The following ADGRG6 variants were observed in gnomAD, a reference collection of about 807,000 sequenced individuals.
ADGRG6 encodes the protein adhesion G protein-coupled receptor G6, also known as G-protein coupled receptor 126.
Under a neutral mutation model 142.4 loss-of-function variants are expected in ADGRG6, and 84 were observed. The ratio of observed to expected loss-of-function variants is 0.59; its 90% CI spans 0.49 to 0.71. The LOEUF (loss-of-function observed/expected upper bound fraction) is 0.71. Ranked by LOEUF, ADGRG6 falls within the 30% of genes least tolerant of loss-of-function variation. ADGRG6 has a pLI of 0.00. For missense variants in ADGRG6, 1,367 were observed against 1,466.6 expected (o/e 0.93, Z 1.11); for synonymous variants, 521 against 520.5 (o/e 1.00, Z -0.01).
chr6:142,408,193 C>A lies in ADGRG6; in HGVS notation c.2312C>A (p.Ala771Glu). The change falls in exon 16 of 25, where the codon GCG (alanine) becomes GAG (glutamate). Residue 771 changes from alanine (A) to glutamate (E), a missense_variant. By Grantham distance (107) the Ala-to-Glu change is moderately radical (BLOSUM62 -1). Coordinates refer to ENST00000367609, the MANE Select transcript of ADGRG6 (RefSeq NM_198569.3). ...AAAACTTTAGTGAGTTATGTGATGG[C>A]GTGCAGTATTGGAAACATTACTATC... ...QRKTLVSYVMACSIGNITIQN... is the reference protein window; with the variant it reads ...QRKTLVSYVMECSIGNITIQN... 6.3e-7 allele frequency: 1 copy of A among 1,585,236 alleles called. No individual in the cohort carries two copies.
chr6:142,306,691 G>A lies in ADGRG6; in HGVS notation c.3-2853G>A, dbSNP rs1777513181. ...TGTAAGAGTGTACTTTTGTGTGTGT[G>A]TGTTTTTTTTCCTTGTAGTTCCTAT... is the stretch of plus-strand genomic sequence containing the variant. On this transcript the variant is annotated intron_variant, in intron 1 of 24. Transcript: ENST00000367609. Among the ~76,000 whole-genome samples the A allele has an allele frequency of 4.6e-5, 7 of 152,036 alleles. No homozygotes were observed. The South Asian group carries it at 1.2e-3, about 27-fold the overall frequency.
At chr6:142,400,287 G>C (rs183469676) in intron 10 of ADGRG6, among the ~76,000 whole-genome samples, 198 bp from the exon 11 acceptor site, 2 of 151,928 alleles carry the variant, frequency 1.3e-5, no homozygotes, top group Admixed American at 1.3e-4. Flanking sequence ...TGGATTTGAA[G>C]TGTATTAAAT....
chr6:142,397,543 C>CT, intron 9 of ADGRG6, 70 bp from the exon 10 acceptor site: 1 of 1,429,326 alleles, frequency 7.0e-7, no homozygotes, highest in Non-Finnish European at 9.7e-7. Flanking sequence ...TCCAAATACT[C>CT]TGTTTCTCCT....
At chr6:142,393,522 C>T (rs1472748796) in intron 8 of ADGRG6, among the ~76,000 whole-genome samples, 1 of 152,042 alleles carries the variant, frequency 6.6e-6, no homozygotes, top group Non-Finnish European at 1.5e-5. Context: ...AGTTCTATAC[C>T]TGAACTAGTT....
Position 142,416,062 on chromosome 6 carries a change from G to A in ADGRG6, c.2936G>A (p.Trp979Ter). ...RYILKFCIIG[W>*]GLPALVVSVV... Reference sequence around the variant, plus strand: ...ATTCTAAAATTCTGCATCATTGGCTGGGGTAAGCCTCTTAAAATTTTTTTG... The same window carrying A: ...ATTCTAAAATTCTGCATCATTGGCTAGGGTAAGCCTCTTAAAATTTTTTTG... Residue 979 changes from tryptophan to a stop codon, truncating the protein, a stop_gained and splice_region_variant, in exon 20 of 25, where the codon TGG becomes TAG. Coordinates refer to ENST00000367609, the MANE Select transcript of ADGRG6 (RefSeq NM_198569.3). LOFTEE classifies it high-confidence loss of function. 6.3e-7 allele frequency: 1 copy of A among 1,591,094 alleles called. No individual in the cohort carries two copies.
chr6:142,383,772 C>T lies in ADGRG6; in HGVS notation c.1151C>T (p.Ser384Phe), dbSNP rs748864894. Residue 384 changes from serine to phenylalanine, a missense_variant, in exon 6 of 25, where the codon TCT becomes TTT. This residue lies in a region of ADGRG6 where 737 missense variants were observed against 746.5 expected (regional missense o/e 0.99). Transcript: ENST00000367609. Reference sequence around the variant, plus strand: ...TCTTTATTACCAGCTACTGTAAACTCTCCTAGTACTACACCACCCACTGTC... The same window carrying T: ...TCTTTATTACCAGCTACTGTAAACTTTCCTAGTACTACACCACCCACTGTC... ...LGTLCQATVN[S>F]PSTTPPTVTT... 2.2e-5 allele frequency: 34 copies of T among 1,543,576 alleles called. No homozygotes were observed. The South Asian group carries it at 3.8e-4, about 17-fold the overall frequency.
intron 9 of ADGRG6, among the ~76,000 whole-genome samples, chr6:142,394,364 A>G (rs1775061699): frequency 6.6e-6 from 1 of 152,168 alleles, no homozygotes; most frequent in Non-Finnish European, 1.5e-5. Context: ...TAAAGCTATT[A>G]GTTAATTTTC....
intron 2 of ADGRG6, among the ~76,000 whole-genome samples, chr6:142,354,370 G>A (rs553493353): frequency 1.2e-4 from 18 of 152,212 alleles, no homozygotes; most frequent in Admixed American, 7.2e-4. Flanking sequence ...GTGACAGAGC[G>A]AGTCTCTATC....
At chr6:142,345,633 C>G (rs1583014578) in intron 2 of ADGRG6, among the ~76,000 whole-genome samples, 1 of 152,070 alleles carries the variant, frequency 6.6e-6, no homozygotes, top group East Asian at 1.9e-4. Context: ...AGTGAATATA[C>G]CCTGCAAGAT....
intron 2 of ADGRG6, among the ~76,000 whole-genome samples, chr6:142,353,296 A>G (rs1162049694): frequency 6.6e-6 from 1 of 152,184 alleles, no homozygotes; most frequent in Non-Finnish European, 1.5e-5. Flanking sequence ...CAATTGCTAC[A>G]GGAGGTCTAG....
Position 142,390,320 on chromosome 6 carries a change from G to C in ADGRG6, c.1285G>C (p.Val429Leu). Residue 429 changes from valine to leucine, a missense_variant, in exon 7 of 25, where the codon GTA becomes CTA. Val to Leu is a conservative substitution (Grantham distance 32, BLOSUM62 1). Coordinates refer to ENST00000367609, the MANE Select transcript of ADGRG6 (RefSeq NM_198569.3). ...CATCCTTCGTCACCCTGAGGTAAAA[G>C]TACAGAGCAAGGTGGCAGAATGGGT... ...QNILRHPEVK[V>L]QSKVAEWLNS... The C allele has an allele frequency of 1.3e-6, 2 of 1,599,010 alleles. No homozygotes were observed. Among genetic ancestry groups the C allele is most frequent in the South Asian group, 1.1e-5 (1 of 89,778 alleles).
rs1397142458 is a variant in ADGRG6 at position 142,445,663 on chromosome 6, T to C, written c.*2148T>C. On this transcript the variant is annotated 3_prime_UTR_variant, in exon 25 of 25. Coordinates refer to ENST00000367609, the MANE Select transcript of ADGRG6 (RefSeq NM_198569.3). The stretch of plus-strand genomic sequence containing the variant: ...TAAGAAATTGCTCAAGGGAAACATT[T>C]GTAAATGGATTTGAAAGATTGAGCC... 6.6e-6 allele frequency: 1 copy of C among 152,196 alleles called. No individual in the cohort carries two copies. Among genetic ancestry groups the C allele is most frequent in the Non-Finnish European group, 1.5e-5 (1 of 68,034 alleles). 9.4% of individuals were successfully genotyped at this position (152,196 alleles called of 1,614,324 possible). A position where few individuals can be genotyped will look rare whatever the true frequency, so the allele number is the denominator to read the frequency against.
chr6:142,343,325 C>T (rs1431357644), intron 2 of ADGRG6, among the ~76,000 whole-genome samples: 1 of 151,588 alleles, frequency 6.6e-6, no homozygotes, highest in Non-Finnish European at 1.5e-5. Context: ...GATGACAAAG[C>T]ATTGGTAAGC....
chr6:142,370,445 G>T lies in ADGRG6; in HGVS notation c.721G>T (p.Glu241Ter). 6.2e-7 allele frequency: 1 copy of T among 1,613,450 alleles called. No homozygotes were observed. Among genetic ancestry groups the T allele is most frequent in the Non-Finnish European group, 8.5e-7 (1 of 1,179,464 alleles). Residue 241 changes from glutamate to a stop codon, truncating the protein, a stop_gained, in exon 4 of 25, where the codon GAA becomes TAA. Transcript: ENST00000367609. LOFTEE classifies it high-confidence loss of function. ...GTTGAATAATGCATTACCTGTCAAA[G>T]AAAAAGAAGACATTTTTGCAGAAAG... ...CLLNNALPVK[E>*]KEDIFAESFE...
At chr6:142,362,104 AAG>A (rs1780754250) in intron 2 of ADGRG6, among the ~76,000 whole-genome samples, 1 of 152,214 alleles carries the variant, frequency 6.6e-6, no homozygotes, top group South Asian at 2.1e-4. Context: ...TTACAGAAGA[AAG>A]AGATGTGTTT....
chr6:142,350,964 G>A (rs976669457), intron 2 of ADGRG6, among the ~76,000 whole-genome samples: 4 of 152,086 alleles, frequency 2.6e-5, no homozygotes, highest in African/African-American at 9.7e-5. Flanking sequence ...GGCTGGGCAC[G>A]GTGGCTCACA....
intron 16 of ADGRG6, among the ~76,000 whole-genome samples, chr6:142,409,103 T>G (rs1024544768): frequency 3.3e-5 from 5 of 152,160 alleles, no homozygotes; most frequent in Non-Finnish European, 1.5e-5. Flanking sequence ...TTCACATTGT[T>G]ATGCAGCCAT....
intron 2 of ADGRG6, among the ~76,000 whole-genome samples, chr6:142,311,571 CT>C (rs1246400037): frequency 1.3e-5 from 2 of 151,786 alleles, no homozygotes; most frequent in Admixed American, 6.6e-5. Context: ...TATTTAAAAT[CT>C]TTTTTTGCAT....
At position 142,358,347 on chromosome 6, in the gene ADGRG6, A is replaced by T. The variant is rs76117961; in HGVS notation, c.104-9222A>T. 9.3e-3 allele frequency among the ~76,000 whole-genome samples: 1,411 copies of T among 152,294 alleles called. 22 individuals are homozygous for T. Among genetic ancestry groups the T allele is most frequent in the East Asian group, 0.059 (305 of 5,176 alleles). On this transcript the variant is annotated intron_variant, in intron 2 of 24. Transcript: ENST00000367609. ...AAGATCAAAATGAGACAAATTTTTGATGAACATAAGAGTAGTCACTTTGCT... is the reference window on the plus strand; with the variant it reads ...AAGATCAAAATGAGACAAATTTTTGTTGAACATAAGAGTAGTCACTTTGCT...
Sources: gnomAD v4.1 joint callset for allele counts (sites outside exome capture counted in the v4.1 genomes callset) on GRCh38, gnomAD v4.1.1 for gene constraint, gnomAD v4.1.1 regional missense constraint, MANE v1.5 for transcripts, NCBI Gene and HGNC (gene_info 2026-07-23, HGNC 2026-07-21) for gene names.